MAP4K3: variants seen among roughly 807,000 people sequenced by gnomAD.
MAP4K3 encodes MAPK/ERK kinase kinase kinase 3.
MAP4K3 carries 94 observed loss-of-function variants against 143.5 expected under a neutral mutation model. That is an observed-to-expected ratio of 0.65 (90% CI 0.55 to 0.78). The LOEUF is 0.78. MAP4K3 is among the 30% of genes least tolerant of loss of function. MAP4K3 has a pLI of 0.00. For missense variants in MAP4K3, 1,077 were observed against 1,068.1 expected (o/e 1.01, Z -0.12); for synonymous variants, 416 against 347.2 (o/e 1.20, Z -2.20).
rs137943592 is a variant in MAP4K3 at position 39,269,677 on chromosome 2, T to G, written c.1974-2430A>C. 1.7e-4 allele frequency among the ~76,000 whole-genome samples: 26 copies of G among 152,198 alleles called. 1 individual carries two copies. The highest frequency in any genetic ancestry group is 4.8e-4 in the African/African-American group (20 of 41,524). ...TGCAAGGTAAGCTGTCAAAAACTGT[T>G]ACCTCTTTTTAAGTACTTGTCTTTG... On this transcript the variant is annotated intron_variant, in intron 26 of 33. Coordinates refer to ENST00000263881, the MANE Select transcript of MAP4K3 (RefSeq NM_003618.4).
intron 21 of MAP4K3, among the ~76,000 whole-genome samples, chr2:39,285,234 C>A (rs1681720612): frequency 6.6e-6 from 1 of 152,158 alleles, no homozygotes; most frequent in Non-Finnish European, 1.5e-5. Context: ...CAATATATCA[C>A]TGATACTGTT....
intron 18 of MAP4K3, among the ~76,000 whole-genome samples, chr2:39,292,572 T>C (rs1240747141): frequency 6.6e-6 from 1 of 152,170 alleles, no homozygotes; most frequent in Non-Finnish European, 1.5e-5. Flanking sequence ...AGAAATAAAT[T>C]TCTGTTGTCT....
chr2:39,266,763 G>C (rs976272510), intron 27 of MAP4K3, among the ~76,000 whole-genome samples: 1 of 152,040 alleles, frequency 6.6e-6, no homozygotes, highest in African/African-American at 2.4e-5. Flanking sequence ...TTGTTATTGG[G>C]GTGGGGGAGG....
chr2:39,317,125 G>A (rs961991370), intron 12 of MAP4K3, among the ~76,000 whole-genome samples: 1 of 152,064 alleles, frequency 6.6e-6, no homozygotes, highest in Admixed American at 6.6e-5. Context: ...ACAACCATCT[G>A]ATCTTCGACA....
intron 2 of MAP4K3, among the ~76,000 whole-genome samples, chr2:39,365,723 C>T (rs1420851001): frequency 6.6e-6 from 1 of 152,066 alleles, no homozygotes; most frequent in Non-Finnish European, 1.5e-5. Flanking sequence ...GGATTACAGG[C>T]GTGAGCCACC....
chr2:39,309,887 A>G (rs1682884986), intron 13 of MAP4K3, among the ~76,000 whole-genome samples: 1 of 152,134 alleles, frequency 6.6e-6, no homozygotes, highest in South Asian at 2.1e-4. Flanking sequence ...ATTCTTAATG[A>G]TATAATAATT....
intron 2 of MAP4K3, among the ~76,000 whole-genome samples, chr2:39,366,155 G>C (rs1665916762): frequency 6.6e-6 from 1 of 151,930 alleles, no homozygotes; most frequent in East Asian, 1.9e-4. Context: ...TATGCCCAAG[G>C]TGGTCAGGGT....
chr2:39,267,819 C>A (rs1488671860), intron 26 of MAP4K3, among the ~76,000 whole-genome samples: 2 of 151,738 alleles, frequency 1.3e-5, no homozygotes, highest in Non-Finnish European at 2.9e-5. Context: ...TTAAGAAATA[C>A]AAAAACAACA....
chr2:39,366,278 G>C lies in MAP4K3; in HGVS notation c.155-9939C>G, dbSNP rs1399788608. ...ACAGCTTGAAGCAGGGTGGTGGGGT[G>C]GGGGTGGAGGTGGTGGCTTCCAGGT... On this transcript the variant is annotated intron_variant, in intron 2 of 33. Coordinates refer to ENST00000263881, the MANE Select transcript of MAP4K3 (RefSeq NM_003618.4). Among the ~76,000 whole-genome samples, 3 of 151,606 alleles carry C rather than the reference G, an allele frequency of 2.0e-5. No homozygotes were observed. In the East Asian group the frequency reaches 5.8e-4, roughly 29 times the overall value.
At position 39,260,709 on chromosome 2, in the gene MAP4K3, GT is replaced by G. The variant is rs1680533468; in HGVS notation, c.2204del (p.Tyr735SerfsTer3). ...TACTGACACCAACACAAACTAAAGG[GT>G]ACTCCTGTTCAGGAACTACCAGCAT... Reference protein sequence around the residue: ...FEMLVVPEQEYPLVCVGVSRG... With the variant: ...FEMLVVPEQEXPLVCVGVSRG... On this transcript the variant is annotated frameshift_variant, in exon 29 of 34. Transcript: ENST00000263881. LOFTEE classifies it high-confidence loss of function. The G allele has an allele frequency of 1.2e-6, 2 of 1,613,486 alleles. No homozygotes were observed. The highest frequency in any genetic ancestry group is 2.7e-5 in the African/African-American group (2 of 74,878).
In MAP4K3 at chr2:39,331,495, T is replaced by C. The variant is rs982032463; in HGVS notation, c.530+422A>G. On this transcript the variant is annotated intron_variant, in intron 8 of 33. Coordinates refer to ENST00000263881, the MANE Select transcript of MAP4K3 (RefSeq NM_003618.4). ...GTCAAGAAATCTGCATTTGATCCTA[T>C]AGGCAACCAAGACATGCCAAAAAGT... Among the ~76,000 whole-genome samples the C allele has an allele frequency of 3.9e-5, 6 of 152,210 alleles. No individual in the cohort carries two copies. In the South Asian group the frequency reaches 6.2e-4, roughly 16 times the overall value.
chr2:39,402,918 T>C (rs1017863308), intron 1 of MAP4K3, among the ~76,000 whole-genome samples: 5 of 152,106 alleles, frequency 3.3e-5, no homozygotes, highest in Admixed American at 6.5e-5. Context: ...GAAAATATTA[T>C]AAATAATTTT....
rs189347133 is a variant in MAP4K3 at position 39,254,388 on chromosome 2, G to A, written c.2541+62C>T. The A allele has an allele frequency of 1.5e-4, 190 of 1,288,992 alleles. No homozygotes were observed. In the Admixed American group the frequency reaches 1.5e-3, roughly 10 times the overall value. 79.8% of individuals were successfully genotyped at this position (1,288,992 alleles called of 1,614,324 possible). ...GCATTACTTGTATCATTTAGGAATC[G>A]AACTGTTTGAAGTGGAATTTGATAA... On this transcript the variant is annotated intron_variant, in intron 32 of 33. Transcript: ENST00000263881.
At chr2:39,274,223 T>C (rs1052073292) in intron 24 of MAP4K3, among the ~76,000 whole-genome samples, 7 of 150,662 alleles carry the variant, frequency 4.6e-5, no homozygotes, top group Admixed American at 4.0e-4. Context: ...TTCTCTCTCT[T>C]TTTTTTTTTT....
At chr2:39,298,124 G>C (rs550595166) in intron 16 of MAP4K3, among the ~76,000 whole-genome samples, 1 of 151,744 alleles carries the variant, frequency 6.6e-6, no homozygotes, top group African/African-American at 2.4e-5. Context: ...TACTAACAAG[G>C]ACCTTAAAAT....
intron 2 of MAP4K3, among the ~76,000 whole-genome samples, chr2:39,369,193 G>GTTTTTTTGTTTGTTTTT (rs747293878): frequency 0.06 from 2,234 of 37,208 alleles, 50 homozygotes; most frequent in Middle Eastern, 0.12. Context: ...CTTTGGGCTA[G>GTTTTTTTGTTTGTTTTT]TTTTTTTTTT....
intron 1 of MAP4K3, among the ~76,000 whole-genome samples, chr2:39,403,403 G>C (rs1380860012): frequency 6.6e-6 from 1 of 152,212 alleles, no homozygotes; most frequent in Non-Finnish European, 1.5e-5. Context: ...AGGCAATCTT[G>C]AATTGCCAAC....
At chr2:39,346,823 T>C (rs536604905) in intron 3 of MAP4K3, among the ~76,000 whole-genome samples, 2 of 152,134 alleles carry the variant, frequency 1.3e-5, no homozygotes, top group Admixed American at 1.3e-4. Context: ...AATTACCATT[T>C]GGCACTTCTC....
intron 28 of MAP4K3, 81 bp from the exon 29 acceptor site, chr2:39,260,858 C>A (rs1680540691): frequency 2.1e-6 from 2 of 938,364 alleles, no homozygotes; most frequent in Non-Finnish European, 3.2e-6. Context: ...AAACAGCTTT[C>A]TACAATAAAG....
Sources: allele counts gnomAD v4.1 joint callset (sites outside exome capture counted in the v4.1 genomes callset), GRCh38; gene constraint gnomAD v4.1.1; transcripts MANE v1.5; gene names NCBI Gene and HGNC (gene_info 2026-07-23, HGNC 2026-07-21).